MARCHF11: variants seen among roughly 807,000 people sequenced by gnomAD.
MARCHF11 encodes membrane associated ring-CH-type finger 11.
In MARCHF11, 29 loss-of-function variants were observed where a neutral mutation model predicts 37.3. That is an observed-to-expected ratio of 0.78 (90% CI 0.58 to 1.06). The LOEUF is 1.06. MARCHF11 is among the 50% of genes least tolerant of loss of function. The probability of loss-of-function intolerance (pLI) is 0.00; values close to 1 mark genes in which losing one functional copy is unlikely to be tolerated. For missense variants in MARCHF11, 482 were observed against 533.4 expected (o/e 0.90, Z 0.95); for synonymous variants, 233 against 228.0 (o/e 1.02, Z -0.20).
intron 2 of MARCHF11, among the ~76,000 whole-genome samples, chr5:16,112,687 G>C (rs145844112): frequency 0.025 from 3,766 of 152,246 alleles, 173 homozygotes; most frequent in African/African-American, 0.086. Context: ...GATTGGTTTT[G>C]AAATCTGAGG....
rs543110268 is a variant in MARCHF11 at position 16,171,471 on chromosome 5, G to C, written c.693+6255C>G. The stretch of plus-strand genomic sequence containing the variant: ...TGAACCCAGCTCGCTACCTGTTTTT[G>C]TGTGGTCCATGAGTTTTTACATTTT... On this transcript the variant is annotated intron_variant, in intron 2 of 3. Transcript: ENST00000332432. 2.6e-5 allele frequency among the ~76,000 whole-genome samples: 4 copies of C among 152,066 alleles called. No individual in the cohort carries two copies. In the East Asian group the frequency reaches 7.7e-4, roughly 29 times the overall value.
At chr5:16,089,215 G>T (rs142579822) in intron 3 of MARCHF11, among the ~76,000 whole-genome samples, 33 of 152,004 alleles carry the variant, frequency 2.2e-4, no homozygotes, top group African/African-American at 8.0e-4. Context: ...GGAGCTAACT[G>T]GCTCTTTTAT....
chr5:16,150,827 A>G (rs1737876692), intron 2 of MARCHF11, among the ~76,000 whole-genome samples: 1 of 152,008 alleles, frequency 6.6e-6, no homozygotes. Flanking sequence ...TCTTGAGTCC[A>G]TAACTTATAT....
chr5:16,166,572 A>G (rs1389337298), intron 2 of MARCHF11, among the ~76,000 whole-genome samples: 2 of 151,990 alleles, frequency 1.3e-5, no homozygotes, highest in African/African-American at 4.8e-5. Context: ...ATTTACAAAT[A>G]CATATAGAAA....
intron 2 of MARCHF11, among the ~76,000 whole-genome samples, chr5:16,134,947 A>G (rs2126587079): frequency 6.6e-6 from 1 of 151,478 alleles, no homozygotes; most frequent in South Asian, 2.1e-4. Context: ...CATGCCAACT[A>G]GTCTCTATAC....
chr5:16,130,251 TACACAC>T (rs56978661), intron 2 of MARCHF11, among the ~76,000 whole-genome samples: 6 of 144,292 alleles, frequency 4.2e-5, no homozygotes, highest in Admixed American at 6.9e-5. Flanking sequence ...TCCAGGTACA[TACACAC>T]ACACACACAC....
chr5:16,084,241 C>A (rs1736656144), intron 3 of MARCHF11, among the ~76,000 whole-genome samples: 2 of 152,022 alleles, frequency 1.3e-5, no homozygotes, highest in South Asian at 4.1e-4. Context: ...AATGTATTAC[C>A]AACTGGTAAT....
chr5:16,081,883 T>A (rs1207984575), intron 3 of MARCHF11, among the ~76,000 whole-genome samples: 1 of 152,214 alleles, frequency 6.6e-6, no homozygotes, highest in African/African-American at 2.4e-5. Flanking sequence ...GGCCATTCCA[T>A]GCACAGCACT....
chr5:16,068,433 G>A (rs1736385169), intron 3 of MARCHF11, among the ~76,000 whole-genome samples: 1 of 152,122 alleles, frequency 6.6e-6, no homozygotes, highest in African/African-American at 2.4e-5. Context: ...GGCAAACAAG[G>A]AAACCAAGCC....
chr5:16,069,296 A>G (rs926651852), intron 3 of MARCHF11, among the ~76,000 whole-genome samples: 1 of 152,194 alleles, frequency 6.6e-6, no homozygotes, highest in Admixed American at 6.5e-5. Flanking sequence ...ACACATATAT[A>G]TATGGTAGAC....
chr5:16,104,454 G>T (rs1047740434), intron 2 of MARCHF11, among the ~76,000 whole-genome samples: 1 of 152,000 alleles, frequency 6.6e-6, no homozygotes, highest in South Asian at 2.1e-4. Flanking sequence ...TTAAAATGGG[G>T]GAATTTTATA....
At chr5:16,170,098 A>C (rs779338832) in intron 2 of MARCHF11, among the ~76,000 whole-genome samples, 1 of 152,168 alleles carries the variant, frequency 6.6e-6, no homozygotes, top group Admixed American at 6.5e-5. Flanking sequence ...CAAACTGCTC[A>C]TCAAAAAAGT....
intron 3 of MARCHF11, 105 bp from the exon 4 acceptor site, chr5:16,067,898 T>A: frequency 2.0e-6 from 2 of 992,104 alleles, no homozygotes; most frequent in Non-Finnish European, 2.9e-6. Flanking sequence ...ATGTTATTCA[T>A]CATCAGCAAA....
intron 3 of MARCHF11, among the ~76,000 whole-genome samples, chr5:16,069,724 G>A (rs1736403111): frequency 6.6e-6 from 1 of 152,152 alleles, no homozygotes; most frequent in African/African-American, 2.4e-5. Flanking sequence ...TAAGGCTGGA[G>A]GAATGCGTGA....
At chr5:16,098,032 TA>T (rs1349371071) in intron 2 of MARCHF11, among the ~76,000 whole-genome samples, 1 of 152,096 alleles carries the variant, frequency 6.6e-6, no homozygotes, top group Non-Finnish European at 1.5e-5. Context: ...AAGGTCAATA[TA>T]ACATCCAAAT....
intron 2 of MARCHF11, 63 bp from the exon 3 acceptor site, chr5:16,091,144 A>C: frequency 1.1e-6 from 1 of 875,678 alleles, no homozygotes; most frequent in Non-Finnish European, 1.7e-6. Context: ...AAAAAAAAAC[A>C]TTTTCAGTCC....
intron 2 of MARCHF11, among the ~76,000 whole-genome samples, chr5:16,130,290 T>A (rs13354758): frequency 0.043 from 6,533 of 150,834 alleles, 379 homozygotes; most frequent in African/African-American, 0.14. Flanking sequence ...ACAAAAGATG[T>A]GTTCATCTTT....
chr5:16,076,343 T>C (rs1033707812), intron 3 of MARCHF11, among the ~76,000 whole-genome samples: 20 of 152,218 alleles, frequency 1.3e-4, no homozygotes, highest in African/African-American at 4.8e-4. Context: ...AAAATTGTTA[T>C]ATTATCTAAG....
intron 3 of MARCHF11, among the ~76,000 whole-genome samples, chr5:16,086,432 CAAT>C (rs1378607735): frequency 6.6e-6 from 1 of 152,068 alleles, no homozygotes; most frequent in East Asian, 1.9e-4. Flanking sequence ...ATTATGTGGA[CAAT>C]TAGGAAAAAT....
Sources: allele counts gnomAD v4.1 joint callset (sites outside exome capture counted in the v4.1 genomes callset), GRCh38; gene constraint gnomAD v4.1.1; transcripts MANE v1.5; gene names NCBI Gene and HGNC (gene_info 2026-07-23, HGNC 2026-07-21).